The following NPHP3 variants were observed in gnomAD, a reference collection of about 807,000 sequenced individuals.
NPHP3 encodes nephrocystin-3.
In NPHP3, 123 loss-of-function variants were observed where a neutral mutation model predicts 171.9. The observed-to-expected ratio is 0.72, with a 90% confidence interval of 0.62 to 0.83. The LOEUF (loss-of-function observed/expected upper bound fraction) is 0.83, where lower values mean the gene tolerates loss of function less well. Among genes scored for constraint, NPHP3 ranks in the 40% least tolerant of loss-of-function variants. The pLI is 0.00. For synonymous variants in NPHP3, 558 were observed against 579.2 expected (o/e 0.96, Z 0.52); for missense variants, 1,506 against 1,591.9 (o/e 0.95, Z 0.92).
In NPHP3 at chr3:132,700,949, C is replaced by T. The variant is rs867642838; in HGVS notation, c.1628+481G>A. ...TTATTAGCTTATATGAACCTTAGTC[C>T]ATAATTTGAAGAACTAGATTGCATT... On this transcript the variant is annotated intron_variant, in intron 10 of 26. Coordinates refer to ENST00000337331, the MANE Select transcript of NPHP3 (RefSeq NM_153240.5). 3.3e-5 allele frequency among the ~76,000 whole-genome samples: 5 copies of T among 152,066 alleles called. 1 individual carries two copies. The South Asian group carries it at 1.0e-3, about 32-fold the overall frequency.
In NPHP3 at chr3:132,699,415, T is replaced by C. The variant is rs1180067961; in HGVS notation, c.1923A>G (p.Pro641=). 1 of 1,612,198 alleles carries C rather than the reference T, an allele frequency of 6.2e-7. No homozygotes were observed. Among genetic ancestry groups the C allele is most frequent in the African/African-American group, 1.3e-5 (1 of 74,922 alleles). Residue 641 remains proline, a synonymous_variant, in exon 13 of 27, where the codon CCA becomes CCG. Coordinates refer to ENST00000337331, the MANE Select transcript of NPHP3 (RefSeq NM_153240.5). The part of the protein sequence containing the change: ...VEKHMKWLID[P]LPVNVRVIVS... The stretch of plus-strand genomic sequence containing the variant: ...CAATTACTCTTACATTCACTGGCAG[T>C]GGATCTATCAGCCATTTCATGTGTT...
chr3:132,704,127 T>G, intron 9 of NPHP3, 71 bp downstream of exon 9: 4 of 1,411,892 alleles, frequency 2.8e-6, no homozygotes, highest in Non-Finnish European at 4.0e-6. Context: ...TATATTTAGA[T>G]GAAAATACAA....
At chr3:132,713,085 A>T (rs768179367) in intron 6 of NPHP3, 41 bp downstream of exon 6, 1 of 1,073,910 alleles carries the variant, frequency 9.3e-7, no homozygotes. Context: ...TTCTATTTAC[A>T]GTTTACTGCT....
At chr3:132,710,232 G>A (rs954423870) in intron 6 of NPHP3, among the ~76,000 whole-genome samples, 1 of 152,058 alleles carries the variant, frequency 6.6e-6, no homozygotes, top group African/African-American at 2.4e-5. Context: ...AGCTTTGTGG[G>A]GCTGGAGGAG....
At chr3:132,694,622 A>G (rs2107974286) in intron 16 of NPHP3, among the ~76,000 whole-genome samples, 1 of 152,328 alleles carries the variant, frequency 6.6e-6, no homozygotes, top group Middle Eastern at 3.4e-3. Context: ...TCAGAAAAAA[A>G]GGATAGCCAA....
Position 132,692,672 on chromosome 3 carries a change from A to C in NPHP3, c.2457T>G (p.Leu819=), listed in dbSNP as rs1403092126. 2 of 1,613,824 alleles carry C rather than the reference A, an allele frequency of 1.2e-6. No homozygotes were observed. The highest frequency in any genetic ancestry group is 2.7e-5 in the African/African-American group (2 of 74,926). Residue 819 remains leucine (L), a synonymous_variant, in exon 17 of 27, where the codon CTT becomes CTG. Coordinates refer to ENST00000337331, the MANE Select transcript of NPHP3 (RefSeq NM_153240.5). ...MCLLTYGCGL[L]RFQHLQAWET... The stretch of plus-strand genomic sequence containing the variant: ...ACATTACCTGCAGATGTTGAAACCT[A>C]AGCAAGCCACATCCATAAGTCAACA...
Position 132,682,068 on chromosome 3 carries a change from T to C in NPHP3, c.3835A>G (p.Lys1279Glu). ...VLSYEGGDFE[K>E]AAELYKRAME... ...GCCCTTTTGTATAATTCAGCAGCTT[T>C]TTCAAAATCTCCTCCTTCATAGCTT... is the stretch of plus-strand genomic sequence containing the variant. The change falls in exon 27 of 27, where the codon AAA becomes GAA. Residue 1279 changes from lysine to glutamate, a missense_variant. Transcript: ENST00000337331. 1 of 1,614,046 alleles carries C rather than the reference T, an allele frequency of 6.2e-7. No homozygotes were observed. Among genetic ancestry groups the C allele is most frequent in the Non-Finnish European group, 8.5e-7 (1 of 1,179,936 alleles).
chr3:132,706,944 C>A (rs1220031495), intron 7 of NPHP3, among the ~76,000 whole-genome samples: 1 of 152,126 alleles, frequency 6.6e-6, no homozygotes, highest in Admixed American at 6.6e-5. Context: ...TTTTATGTGT[C>A]ATGCTGCTCT....
At position 132,684,738 on chromosome 3, in the gene NPHP3, G is replaced by T. The variant is rs1939112649; in HGVS notation, c.3386C>A (p.Pro1129Gln). ...SLEMRERVLG[P>Q]DHPDCAQSLN... Reference sequence around the variant, plus strand: ...AGACTGAGCACAGTCAGGGTGATCTGGTCCTAGAACTCGCTCCCTCATTTC... The same window carrying T: ...AGACTGAGCACAGTCAGGGTGATCTTGTCCTAGAACTCGCTCCCTCATTTC... The change falls in exon 24 of 27, where the codon CCA becomes CAA. Residue 1129 changes from proline (P) to glutamine (Q), a missense_variant. Pro to Gln is a moderately conservative substitution (Grantham distance 76). Transcript: ENST00000337331. 1 of 1,613,920 alleles carries T rather than the reference G, an allele frequency of 6.2e-7. No homozygotes were observed. Among genetic ancestry groups the T allele is most frequent in the South Asian group, 1.1e-5 (1 of 91,068 alleles).
At chr3:132,692,570 C>G in intron 17 of NPHP3, 84 bp downstream of exon 17, 4 of 1,146,124 alleles carry the variant, frequency 3.5e-6, no homozygotes, top group Admixed American at 1.9e-5. Flanking sequence ...CAGAAATAAT[C>G]TTGCCACTGC....
chr3:132,693,492 G>T (rs1268945913), intron 16 of NPHP3: 2 of 152,370 alleles, frequency 1.3e-5, no homozygotes, highest in Admixed American at 1.3e-4. Flanking sequence ...CACAGACGTG[G>T]AGAGAATACG....
At chr3:132,682,863 A>T (rs781340368) in intron 25 of NPHP3, 45 bp from the exon 26 acceptor site, 5 of 1,218,726 alleles carry the variant, frequency 4.1e-6, no homozygotes, top group Non-Finnish European at 6.1e-6. Context: ...GGGTTTCTGA[A>T]ATTAATGTAT....
chr3:132,715,002 T>A, intron 5 of NPHP3, 83 bp downstream of exon 5: 1 of 1,155,676 alleles, frequency 8.7e-7, no homozygotes, highest in South Asian at 1.3e-5. Flanking sequence ...ACTATTTGGT[T>A]GAGATACAGT....
chr3:132,700,388 C>T lies in NPHP3; in HGVS notation c.1689G>A (p.Arg563=). The T allele has an allele frequency of 1.9e-6, 3 of 1,613,644 alleles. No homozygotes were observed. The highest frequency in any genetic ancestry group is 2.5e-6 in the Non-Finnish European group (3 of 1,179,660). ...NTLILSHFVG[R]PMSTSSESSL... ...AGGACTCTGAGCTGGTTGACATGGG[C>T]CTTCCCACAAAATGGGAAAGAATCA... The change falls in exon 11 of 27, where the codon AGG becomes AGA. Residue 563 remains arginine (R), a synonymous_variant. Transcript: ENST00000337331.
rs943422110 is a variant in NPHP3 at position 132,690,411 on chromosome 3, A to G, written c.2693+117T>C. 1.9e-5 allele frequency: 18 copies of G among 951,032 alleles called. No individual in the cohort carries two copies. In the African/African-American group the frequency reaches 2.0e-4, roughly 10 times the overall value. 58.9% of individuals were successfully genotyped at this position (951,032 alleles called of 1,614,324 possible). On this transcript the variant is annotated intron_variant, in intron 19 of 26. Coordinates refer to ENST00000337331, the MANE Select transcript of NPHP3 (RefSeq NM_153240.5). ...ATTGTCTCAAGATTTCTCCTACACT[A>G]TTTGTATTTCAGATACTTAGACTAA...
intron 10 of NPHP3, among the ~76,000 whole-genome samples, 187 bp from the exon 11 acceptor site, chr3:132,700,635 A>G (rs1939583703): frequency 6.6e-6 from 1 of 152,210 alleles, no homozygotes; most frequent in Admixed American, 6.5e-5. Flanking sequence ...TAATCTTTTA[A>G]AAAATTGTAG....
In NPHP3 at chr3:132,694,851, A is replaced by G. The variant is rs779268022; in HGVS notation, c.2286T>C (p.Asp762=). 1.9e-6 allele frequency: 3 copies of G among 1,613,650 alleles called. No homozygotes were observed. The highest frequency in any genetic ancestry group is 2.2e-5 in the South Asian group (2 of 91,076). Residue 762 remains aspartate, a synonymous_variant, in exon 16 of 27, where the codon GAT becomes GAC. Coordinates refer to ENST00000337331, the MANE Select transcript of NPHP3 (RefSeq NM_153240.5). ...CCTGCTTCATTAGCTCTTTATCCAC[A>G]TCATTTGCCATGGACTCCCGGATAG... is the stretch of plus-strand genomic sequence containing the variant. The part of the protein sequence containing the change: ...LHSIRESMAN[D]VDKELMKQIL...
At chr3:132,700,134 A>C in intron 11 of NPHP3, 73 bp from the exon 12 acceptor site, 1 of 1,541,622 alleles carries the variant, frequency 6.5e-7, no homozygotes, top group South Asian at 1.1e-5. Context: ...GCTGGGGGAA[A>C]TATTTCTATT....
intron 18 of NPHP3, 49 bp from the exon 19 acceptor site, chr3:132,690,699 G>A (rs755802329): frequency 6.3e-7 from 1 of 1,593,138 alleles, no homozygotes; most frequent in East Asian, 2.2e-5. Context: ...CAATGAGACT[G>A]CTTCAAAAAG....
Sources: gnomAD v4.1 joint callset for allele counts (sites outside exome capture counted in the v4.1 genomes callset) on GRCh38, gnomAD v4.1.1 for gene constraint, MANE v1.5 for transcripts, NCBI Gene and HGNC (gene_info 2026-07-23, HGNC 2026-07-21) for gene names.